Variants in USP37 observed in about 807,000 individuals in gnomAD.
The protein encoded by USP37 is ubiquitin specific peptidase 37, also known as ubiquitin carboxyl-terminal hydrolase 37.
Under a neutral mutation model 124.0 loss-of-function variants are expected in USP37, and 27 were observed. The observed-to-expected ratio is 0.22, with a 90% CI of 0.16 to 0.30. The LOEUF (loss-of-function observed/expected upper bound fraction) is 0.30, where lower values mean the gene tolerates loss of function less well. USP37 is among the 10% of genes least tolerant of loss of function. USP37 has a pLI of 1.00. For missense variants in USP37, 889 were observed against 1,140.4 expected (o/e 0.78, Z 3.17); for synonymous variants, 365 against 388.0 (o/e 0.94, Z 0.70).
intron 15 of USP37, 70 bp from the exon 16 acceptor site, chr2:218,485,813 T>C (rs1559177655): frequency 7.2e-6 from 11 of 1,522,130 alleles, no homozygotes; most frequent in Non-Finnish European, 9.9e-6. Flanking sequence ...AATAATTTGC[T>C]CTAGTCTTAT....
intron 20 of USP37, among the ~76,000 whole-genome samples, chr2:218,471,335 G>A (rs57481777): frequency 0.018 from 2,712 of 152,234 alleles, 87 homozygotes; most frequent in African/African-American, 0.061. Context: ...TTCTGTAAGT[G>A]GGCAACCAAA....
chr2:218,451,579 C>T lies in USP37; in HGVS notation c.*3351G>A, dbSNP rs201481658. 9.0e-4 allele frequency: 44 copies of T among 49,042 alleles called. No individual in the cohort carries two copies. Among genetic ancestry groups the T allele is most frequent in the Non-Finnish European group, 2.4e-4 (5 of 20,924 alleles). The allele number at this position is 49,042 out of a possible 1,614,324, so 3.0% of individuals were successfully genotyped here. On this transcript the variant is annotated 3_prime_UTR_variant, in exon 26 of 26. Coordinates refer to ENST00000258399, the MANE Select transcript of USP37 (RefSeq NM_020935.3). ...GTTTGCAGATAATTTTCATTATATC[C>T]GTAGCTGTATGTGTGTATAGTTACA...
chr2:218,470,967 G>C (rs1453707436), intron 20 of USP37, among the ~76,000 whole-genome samples: 1 of 152,184 alleles, frequency 6.6e-6, no homozygotes, highest in Admixed American at 6.5e-5. Context: ...GGGAGGGAGA[G>C]AGGGAGGGAG....
chr2:218,538,945 C>G (rs1559216781), intron 8 of USP37, among the ~76,000 whole-genome samples: 1 of 152,072 alleles, frequency 6.6e-6, no homozygotes, highest in Non-Finnish European at 1.5e-5. Context: ...TCATGTCTTC[C>G]ACTCACAAAT....
chr2:218,527,396 C>T (rs567626659), intron 10 of USP37, among the ~76,000 whole-genome samples: 4 of 152,314 alleles, frequency 2.6e-5, no homozygotes, highest in Admixed American at 6.5e-5. Context: ...TATGAGAAAA[C>T]AAGTTCTAAG....
At chr2:218,544,205 C>A (rs1692166659) in intron 8 of USP37, among the ~76,000 whole-genome samples, 1 of 151,408 alleles carries the variant, frequency 6.6e-6, no homozygotes, top group African/African-American at 2.4e-5. Context: ...CATGGTGAAA[C>A]CCTGTCTCTA....
At chr2:218,506,173 T>A (rs1689666910) in intron 11 of USP37, among the ~76,000 whole-genome samples, 1 of 151,998 alleles carries the variant, frequency 6.6e-6, no homozygotes, top group Admixed American at 6.6e-5. Context: ...AGGATTATAG[T>A]TTTTAACACT....
In USP37 at chr2:218,481,687, T is replaced by TC. The variant is rs57137036; in HGVS notation, c.1835+382_1835+383insG. Among the ~76,000 whole-genome samples the TC allele has an allele frequency of 6.5e-3, 980 of 149,816 alleles. 10 individuals carry two copies. Among genetic ancestry groups the TC allele is most frequent in the African/African-American group, 0.022 (920 of 40,922 alleles). ...TGATTTCTTTTCTTTTCTTTTCTTT[T>TC]TTTTTTTTTTTTTGAGATAGGGTCT... is the stretch of plus-strand genomic sequence containing the variant. On this transcript the variant is annotated intron_variant, in intron 17 of 25. Transcript: ENST00000258399.
intron 16 of USP37, among the ~76,000 whole-genome samples, chr2:218,484,545 C>T (rs1691443085): frequency 6.6e-6 from 1 of 151,934 alleles, no homozygotes; most frequent in South Asian, 2.1e-4. Context: ...TCGCTTGAAC[C>T]CGTGAGGCAG....
rs200104775 is a variant in USP37 at position 218,519,642 on chromosome 2, G to GT, written c.864-9503dup. Among the ~76,000 whole-genome samples, 251 of 147,976 alleles carry GT rather than the reference G, an allele frequency of 1.7e-3. 2 individuals are homozygous for GT. The East Asian group carries it at 0.035, about 20-fold the overall frequency. ...ATCAGTTTTTTCTTGTTTGTTTTTT[G>GT]TTTTTTTTTTCTGAGACACAGTCTC... On this transcript the variant is annotated intron_variant, in intron 10 of 25. Coordinates refer to ENST00000258399, the MANE Select transcript of USP37 (RefSeq NM_020935.3).
intron 8 of USP37, among the ~76,000 whole-genome samples, chr2:218,537,342 G>C (rs1691711746): frequency 6.6e-6 from 1 of 152,160 alleles, no homozygotes. Context: ...TTGGAACCCT[G>C]CCACTGCTAT....
chr2:218,528,678 G>A (rs1691121287), intron 10 of USP37: 1 of 424,364 alleles, frequency 2.4e-6, no homozygotes, highest in Non-Finnish European at 4.2e-6. Context: ...TATCATTGAT[G>A]GGCATTTGCC....
intron 24 of USP37, 73 bp from the exon 25 acceptor site, chr2:218,455,791 T>C: frequency 1.3e-6 from 2 of 1,502,818 alleles, no homozygotes; most frequent in South Asian, 2.4e-5. Flanking sequence ...CTCACGCCTG[T>C]AATCTCAGCA....
chr2:218,530,569 T>C (rs1311441199), intron 9 of USP37, among the ~76,000 whole-genome samples: 1 of 152,144 alleles, frequency 6.6e-6, no homozygotes, highest in Non-Finnish European at 1.5e-5. Flanking sequence ...ATTAGGATAA[T>C]TAATAACCCT....
intron 3 of USP37, 131 bp downstream of exon 3, chr2:218,560,689 T>C (rs1240552041): frequency 6.6e-6 from 1 of 152,192 alleles, no homozygotes; most frequent in African/African-American, 2.4e-5. Flanking sequence ...ATAGCGAACC[T>C]AGCATTGCCA....
intron 20 of USP37, among the ~76,000 whole-genome samples, chr2:218,468,903 G>C (rs1690519235): frequency 6.6e-6 from 1 of 152,110 alleles, no homozygotes. Context: ...ATGTTGGCCA[G>C]GCTGGTCTTG....
chr2:218,549,956 C>T, intron 5 of USP37, 47 bp from the exon 6 acceptor site: 7 of 1,380,246 alleles, frequency 5.1e-6, no homozygotes, highest in Non-Finnish European at 6.9e-6. Context: ...AAATCACTCA[C>T]TTTAACAAAA....
At chr2:218,480,885 T>TAGGGA (rs1275549055) in intron 17 of USP37, among the ~76,000 whole-genome samples, 1 of 152,200 alleles carries the variant, frequency 6.6e-6, no homozygotes, top group Non-Finnish European at 1.5e-5. Flanking sequence ...CAGAAACACT[T>TAGGGA]AGACTCTCTG....
At chr2:218,465,478 T>C (rs1350769467) in intron 21 of USP37, among the ~76,000 whole-genome samples, 2 of 152,118 alleles carry the variant, frequency 1.3e-5, no homozygotes, top group African/African-American at 4.8e-5. Context: ...AGGAATAATC[T>C]ATAATACCCC....
Sources: allele counts gnomAD v4.1 joint callset (sites outside exome capture counted in the v4.1 genomes callset), GRCh38; gene constraint gnomAD v4.1.1; transcripts MANE v1.5; gene names NCBI Gene and HGNC (gene_info 2026-07-23, HGNC 2026-07-21).